Variants in PCDHA3 observed in about 807,000 individuals in gnomAD.
PCDHA3 encodes protocadherin alpha 3, also known as protocadherin alpha-3.
Under a neutral mutation model 62.2 loss-of-function variants are expected in PCDHA3, and 41 were observed. That is an observed-to-expected ratio of 0.66 (90% confidence interval 0.51 to 0.86). The LOEUF is 0.86. Ranked by LOEUF, PCDHA3 falls within the 40% of genes least tolerant of loss-of-function variation. The pLI, the probability that PCDHA3 is intolerant of heterozygous loss-of-function variation, is 0.00. For synonymous variants in PCDHA3, 640 were observed against 555.4 expected, an observed-to-expected ratio of 1.15 and a Z score of -2.14; for missense variants, 1,304 against 1,241.2, an observed-to-expected ratio of 1.05 and a Z score of -0.76.
At chr5:140,843,397 G>T in intron 1 of PCDHA3, 1 of 1,596,068 alleles carries the variant, frequency 6.3e-7, no homozygotes, top group Non-Finnish European at 8.6e-7. Context: ...CGGAAGCGGC[G>T]CTGGTGGATG....
intron 1 of PCDHA3, among the ~76,000 whole-genome samples, chr5:140,833,285 G>A (rs1166936002): frequency 1.3e-5 from 2 of 152,118 alleles, no homozygotes; most frequent in Non-Finnish European, 2.9e-5. Flanking sequence ...ATTTAGGAAA[G>A]CATCTGAATA....
chr5:140,850,595 G>A (rs2150490707), intron 1 of PCDHA3: 2 of 1,598,512 alleles, frequency 1.3e-6, no homozygotes, highest in East Asian at 4.5e-5. Flanking sequence ...ACGTGTACCT[G>A]ATCATCGCCA....
Position 140,896,030 on chromosome 5 carries a change from C to T in PCDHA3, c.2395-82919C>T, listed in dbSNP as rs180907288. On this transcript the variant is annotated intron_variant, in intron 1 of 3. Transcript: ENST00000522353. ...TTCTCCATGTTGGCCAGGCTGGTCT[C>T]GAACTCCTGACCTCAGGTGATCCGC... Among the ~76,000 whole-genome samples, 1,221 of 152,240 alleles carry T rather than the reference C, an allele frequency of 8.0e-3. 6 individuals are homozygous for T. The highest frequency in any genetic ancestry group is 0.019 in the African/African-American group (785 of 41,560).
At position 140,802,975 on chromosome 5, in the gene PCDHA3, A is replaced by C. The variant is rs782276594; in HGVS notation, c.1778A>C (p.Lys593Thr). The C allele has an allele frequency of 6.2e-7, 1 of 1,614,018 alleles. No homozygotes were observed. The highest frequency in any genetic ancestry group is 2.2e-5 in the East Asian group (1 of 44,876). The change falls in exon 1 of 4, where the codon AAG (lysine) becomes ACG (threonine). Residue 593 changes from lysine (K) to threonine (T), a missense_variant. Physicochemically the swap from Lys to Thr is moderately conservative, Grantham distance 78. Coordinates refer to ENST00000522353, the MANE Select transcript of PCDHA3 (RefSeq NM_018906.3). ...RSVGAGHVVAKVRAVDADSGY... is the reference protein window; with the variant it reads ...RSVGAGHVVATVRAVDADSGY... ...GTGGGTGCGGGCCACGTGGTAGCGA[A>C]GGTGCGCGCAGTGGATGCAGACTCA...
chr5:140,978,440 T>C, intron 1 of PCDHA3, among the ~76,000 whole-genome samples: 1 of 152,244 alleles, frequency 6.6e-6, no homozygotes. Context: ...GCTGGTGTTA[T>C]GACTGGGCAC....
chr5:140,882,877 G>A, intron 1 of PCDHA3: 1 of 1,614,208 alleles, frequency 6.2e-7, no homozygotes, highest in Non-Finnish European at 8.5e-7. Context: ...TGGACAGAGA[G>A]GAAATTCAGG....
In PCDHA3 at chr5:140,825,506, T is replaced by C. The variant is rs151143740; in HGVS notation, c.2394+21915T>C. On this transcript the variant is annotated intron_variant, in intron 1 of 3. Coordinates refer to ENST00000522353, the MANE Select transcript of PCDHA3 (RefSeq NM_018906.3). ...TGCCCAAACGAGTGCAATGGTACAA[T>C]CTTGGCCTCCCAGGTTCAAGCGATT... 1.1e-4 allele frequency: 17 copies of C among 151,094 alleles called. No homozygotes were observed. The East Asian group carries it at 3.3e-3, about 29-fold the overall frequency. 9.4% of individuals were successfully genotyped at this position (151,094 alleles called of 1,614,324 possible). A position where few individuals can be genotyped will look rare whatever the true frequency, so the allele number is the denominator to read the frequency against.
chr5:140,830,644 T>G, intron 1 of PCDHA3: 1 of 475,478 alleles, frequency 2.1e-6, no homozygotes, highest in Non-Finnish European at 3.4e-6. Context: ...TCTTTGCTTC[T>G]TTAATATTCA....
intron 1 of PCDHA3, chr5:140,882,841 A>G: frequency 6.2e-7 from 1 of 1,614,232 alleles, no homozygotes; most frequent in East Asian, 2.2e-5. Flanking sequence ...AAATGTCTTC[A>G]TTATCACTTG....
In PCDHA3 at chr5:140,879,424, A is replaced by T. The variant is rs181418893; in HGVS notation, c.2394+75833A>T. Reference sequence around the variant, plus strand: ...GTATTTGAGCAGGTAGGGAATGGAGATGAACATTTAAGAAAATGTTACTTT... The same window carrying T: ...GTATTTGAGCAGGTAGGGAATGGAGTTGAACATTTAAGAAAATGTTACTTT... On this transcript the variant is annotated intron_variant, in intron 1 of 3. Coordinates refer to ENST00000522353, the MANE Select transcript of PCDHA3 (RefSeq NM_018906.3). Among the ~76,000 whole-genome samples, 1,178 of 152,344 alleles carry T rather than the reference A, an allele frequency of 7.7e-3. 4 individuals carry two copies. The highest frequency in any genetic ancestry group is 0.013 in the Admixed American group (206 of 15,298).
At position 140,941,204 on chromosome 5, in the gene PCDHA3, TTTCTTTCTTC is replaced by T. The variant is rs1554213952; in HGVS notation, c.2395-37744_2395-37735del. Among the ~76,000 whole-genome samples, 512 of 88,682 alleles carry T rather than the reference TTTCTTTCTTC, an allele frequency of 5.8e-3. 4 individuals are homozygous for T. Among genetic ancestry groups the T allele is most frequent in the African/African-American group, 0.011 (178 of 16,048 alleles). The allele number at this position is 88,682 out of a possible 152,430, so 58.2% of individuals were successfully genotyped here. ...CTGCTTCTTTTTTTTTCTTTCTTCC[TTTCTTTCTTC>T]CTTTCTTTCTTTCTTTCTTTCTTTC... On this transcript the variant is annotated intron_variant, in intron 1 of 3. Coordinates refer to ENST00000522353, the MANE Select transcript of PCDHA3 (RefSeq NM_018906.3).
At chr5:140,808,983 C>T in intron 1 of PCDHA3, 2 of 1,613,648 alleles carry the variant, frequency 1.2e-6, no homozygotes, top group East Asian at 2.2e-5. Flanking sequence ...GCGGTGGATG[C>T]TGACTCGGGC....
intron 1 of PCDHA3, chr5:140,876,689 C>T: frequency 1.2e-6 from 2 of 1,614,228 alleles, no homozygotes; most frequent in Middle Eastern, 1.6e-4. Context: ...AATTACTACT[C>T]GTTGGTGCTG....
At chr5:141,009,217 G>T (rs1554262066) in intron 3 of PCDHA3, among the ~76,000 whole-genome samples, 1 of 152,234 alleles carries the variant, frequency 6.6e-6, no homozygotes, top group African/African-American at 2.4e-5. Flanking sequence ...CACTTTGGGA[G>T]GCCAAGGTGG....
rs139863676 is a variant in PCDHA3, at chr5:140,843,172, C to T, written c.2394+39581C>T. ...ATGAGCTGCAGCCAGCTGCAAGCAG[C>T]CCTCGCATCCCGTTCCGCGTGGGGC... On this transcript the variant is annotated intron_variant, in intron 1 of 3. Transcript: ENST00000522353. 15,808 of 1,596,034 alleles carry T rather than the reference C, an allele frequency of 9.9e-3. 1,621 individuals are homozygous for T. Among genetic ancestry groups the T allele is most frequent in the Non-Finnish European group, 0.012 (14,321 of 1,165,582 alleles).
At chr5:140,843,527 A>C (rs2150362053) in intron 1 of PCDHA3, 2 of 1,595,944 alleles carry the variant, frequency 1.3e-6, no homozygotes, top group Non-Finnish European at 1.7e-6. Context: ...CCGGGCGGGC[A>C]AGCCCACTCT....
intron 1 of PCDHA3, among the ~76,000 whole-genome samples, chr5:140,887,955 C>A (rs568878730): frequency 4.4e-4 from 67 of 152,206 alleles, no homozygotes; most frequent in African/African-American, 1.6e-3. Flanking sequence ...GTATAAGATT[C>A]TTTTTGTCTC....
At chr5:140,900,588 C>G (rs1025443524) in intron 1 of PCDHA3, among the ~76,000 whole-genome samples, 3 of 152,150 alleles carry the variant, frequency 2.0e-5, no homozygotes, top group African/African-American at 7.2e-5. Flanking sequence ...TTTTCTTTAC[C>G]CGTTCATCTG....
intron 3 of PCDHA3, among the ~76,000 whole-genome samples, chr5:141,003,283 G>A (rs1331116001): frequency 3.3e-5 from 5 of 152,188 alleles, no homozygotes; most frequent in African/African-American, 1.2e-4. Flanking sequence ...GCCCAAATTG[G>A]ATTATAGGAT....
Sources: allele counts gnomAD v4.1 joint callset (sites outside exome capture counted in the v4.1 genomes callset), GRCh38; gene constraint gnomAD v4.1.1; transcripts MANE v1.5; gene names NCBI Gene and HGNC (gene_info 2026-07-23, HGNC 2026-07-21).